ZNF362: variants seen among roughly 807,000 people sequenced by gnomAD.
ZNF362 encodes rotund homolog.
Under a neutral mutation model 42.9 loss-of-function variants are expected in ZNF362, and 11 were observed. That is an observed-to-expected ratio of 0.26 (90% CI 0.16 to 0.42). The LOEUF is 0.42. Ranked by LOEUF, ZNF362 falls within the 20% of genes least tolerant of loss-of-function variation. The pLI is 1.00. For synonymous variants in ZNF362, 255 were observed against 257.3 expected (o/e 0.99, Z 0.09); for missense variants, 362 against 576.2 (o/e 0.63, Z 3.81).
chr1:33,134,674 G>C, the ZNF362 span, among the ~76,000 whole-genome samples: 12 of 152,330 alleles, frequency 7.9e-5, no homozygotes, highest in African/African-American at 2.9e-4. Context: ...TGGCATGGGA[G>C]ACTGCAGGAA....
the ZNF362 span, among the ~76,000 whole-genome samples, chr1:33,242,252 T>C: frequency 6.6e-6 from 1 of 151,726 alleles, no homozygotes; most frequent in African/African-American, 2.4e-5. Flanking sequence ...TAGGGAAAGA[T>C]GGCCGAGGAA....
the ZNF362 span, among the ~76,000 whole-genome samples, chr1:33,186,851 T>G: frequency 0.68 from 37,745 of 55,256 alleles, 14,260 homozygotes; most frequent in Non-Finnish European, 0.73. Flanking sequence ...TCTAAATTAG[T>G]GCTTCTCAAT....
At chr1:33,284,436 T>C (rs1348303419) in intron 6 of ZNF362, among the ~76,000 whole-genome samples, 1 of 152,272 alleles carries the variant, frequency 6.6e-6, no homozygotes, top group Non-Finnish European at 1.5e-5. Context: ...TTTACAGAAC[T>C]AATGATCGTA....
At chr1:33,179,682 T>C in the ZNF362 span, among the ~76,000 whole-genome samples, 7 of 152,146 alleles carry the variant, frequency 4.6e-5, no homozygotes, top group African/African-American at 1.7e-4. Context: ...TTTGGGGCCA[T>C]AGATAGGAGA....
chr1:33,130,324 A>G, the ZNF362 span, among the ~76,000 whole-genome samples: 33 of 152,348 alleles, frequency 2.2e-4, no homozygotes, highest in African/African-American at 7.9e-4. Flanking sequence ...TGAATAGAAT[A>G]TGTTAGAAGT....
the ZNF362 span, among the ~76,000 whole-genome samples, chr1:33,182,278 G>A: frequency 6.6e-6 from 1 of 152,236 alleles, no homozygotes; most frequent in African/African-American, 2.4e-5. Flanking sequence ...CGGCGAGGCG[G>A]AGCAGCTAAT....
the ZNF362 span, among the ~76,000 whole-genome samples, chr1:33,151,028 C>G: frequency 6.6e-6 from 1 of 152,038 alleles, no homozygotes; most frequent in Admixed American, 6.5e-5. Context: ...CGGGGGGTAC[C>G]CTCAAGCAGG....
the ZNF362 span, among the ~76,000 whole-genome samples, chr1:33,244,528 A>G: frequency 3.5e-4 from 53 of 152,364 alleles, no homozygotes; most frequent in African/African-American, 1.1e-3. This position sits in a 1 kb window ranked among gnomAD's most constrained non-coding sequence, Gnocchi z 4.0. Context: ...TTTGTGAGCG[A>G]AAGTCCTTCA....
chr1:33,201,928 G>T, the ZNF362 span, among the ~76,000 whole-genome samples: 1 of 152,316 alleles, frequency 6.6e-6, no homozygotes, highest in Non-Finnish European at 1.5e-5. Flanking sequence ...AAGAATGAAA[G>T]GGTGACATCA....
Position 33,280,317 on chromosome 1 carries a change from C to G in ZNF362, c.543C>G (p.Gly181=). 6.2e-7 allele frequency: 1 copy of G among 1,614,068 alleles called. No homozygotes were observed. The highest frequency in any genetic ancestry group is 8.5e-7 in the Non-Finnish European group (1 of 1,179,950). Residue 181 remains glycine (G), a synonymous_variant, in exon 5 of 9, where the codon GGC becomes GGG. Coordinates refer to ENST00000539719, the MANE Select transcript of ZNF362 (RefSeq NM_152493.3). This position sits in a 1 kb window ranked among gnomAD's most constrained non-coding sequence, Gnocchi z 5.6. ...PLLDSIKTIQ[G]HGLLGPPKSE... is the part of the protein sequence containing the mutation. ...TGGACTCCATCAAGACAATCCAGGGCCACGGCCTGCTTGGCCCCCCCAAGT... is the reference window on the plus strand; with the variant it reads ...TGGACTCCATCAAGACAATCCAGGGGCACGGCCTGCTTGGCCCCCCCAAGT...
chr1:33,189,734 C>CAT, the ZNF362 span, among the ~76,000 whole-genome samples: 41 of 109,002 alleles, frequency 3.8e-4, 1 homozygote, highest in South Asian at 6.4e-4. Flanking sequence ...CACACATACA[C>CAT]ATATATATAT....
At chr1:33,231,317 G>A in the ZNF362 span, among the ~76,000 whole-genome samples, 1 of 152,096 alleles carries the variant, frequency 6.6e-6, no homozygotes, top group Non-Finnish European at 1.5e-5. Flanking sequence ...GATTGCATGA[G>A]GTTTCTTAGA....
the ZNF362 span, among the ~76,000 whole-genome samples, chr1:33,153,929 G>GA: frequency 2.6e-5 from 4 of 152,202 alleles, no homozygotes; most frequent in Non-Finnish European, 5.9e-5. Context: ...TAGTGAGTGA[G>GA]ACAGCCACAC....
At chr1:33,292,639 G>T (rs531854221) in intron 6 of ZNF362, among the ~76,000 whole-genome samples, 16 of 152,334 alleles carry the variant, frequency 1.1e-4, no homozygotes, top group African/African-American at 3.8e-4. Context: ...GTTTCAGAAG[G>T]AATGGTACCA....
intron 8 of ZNF362, 54 bp downstream of exon 8, chr1:33,295,359 G>A: frequency 6.3e-7 from 1 of 1,582,746 alleles, no homozygotes; most frequent in Non-Finnish European, 8.6e-7. Context: ...CGTCTTCCAG[G>A]CCTCAGTTGC....
At chr1:33,208,657 T>C in the ZNF362 span, among the ~76,000 whole-genome samples, 19 of 152,146 alleles carry the variant, frequency 1.2e-4, no homozygotes, top group African/African-American at 4.6e-4. Context: ...TCCATTGTAA[T>C]TTGGATTCCT....
At chr1:33,151,131 G>C in the ZNF362 span, among the ~76,000 whole-genome samples, 2 of 152,076 alleles carry the variant, frequency 1.3e-5, no homozygotes, top group Admixed American at 6.5e-5. Flanking sequence ...CTAGGAGGGA[G>C]ACAAGGGGGC....
the ZNF362 span, among the ~76,000 whole-genome samples, chr1:33,202,398 C>A: frequency 6.6e-6 from 1 of 152,088 alleles, no homozygotes; most frequent in Non-Finnish European, 1.5e-5. Flanking sequence ...AGATTGAGAT[C>A]ATCCTGGCTA....
the ZNF362 span, among the ~76,000 whole-genome samples, chr1:33,136,567 G>C: frequency 6.6e-5 from 10 of 150,728 alleles, no homozygotes; most frequent in Non-Finnish European, 1.0e-4. Flanking sequence ...ACAGGGTTTC[G>C]CCATGTTGGG....
Sources: gnomAD v4.1 joint callset for allele counts (sites outside exome capture counted in the v4.1 genomes callset) on GRCh38, gnomAD v4.1.1 for gene constraint, Gnocchi (gnomAD v3.1) non-coding constraint, MANE v1.5 for transcripts, NCBI Gene and HGNC (gene_info 2026-07-23, HGNC 2026-07-21) for gene names.